Variants in ADCY8 observed in about 807,000 individuals in gnomAD.
The protein encoded by ADCY8 is adenylate cyclase type 8.
In ADCY8, 51 loss-of-function variants were observed where a neutral mutation model predicts 119.7. The ratio of observed to expected loss-of-function variants is 0.43; its 90% confidence interval spans 0.34 to 0.54. The LOEUF is 0.54. Ranked by LOEUF, ADCY8 falls within the 20% of genes least tolerant of loss-of-function variation. The probability of loss-of-function intolerance (pLI) is 0.03; values close to 1 mark genes in which losing one functional copy is unlikely to be tolerated. For synonymous variants in ADCY8, 665 were observed against 651.0 expected (o/e 1.02, Z -0.33); for missense variants, 1,383 against 1,598.8 (o/e 0.87, Z 2.30).
chr8:130,814,280 G>T, intron 13 of ADCY8, 53 bp from the exon 14 acceptor site: 1 of 1,591,690 alleles, frequency 6.3e-7, no homozygotes, highest in Non-Finnish European at 8.6e-7. Flanking sequence ...TGAGGTGTAG[G>T]CTTCAGGCAC....
chr8:130,814,304 G>T, intron 13 of ADCY8, 77 bp from the exon 14 acceptor site: 1 of 1,474,994 alleles, frequency 6.8e-7, no homozygotes, highest in Non-Finnish European at 9.3e-7. Flanking sequence ...CAACTGGGAG[G>T]CAGGAAAGGC....
chr8:130,876,461 A>C (rs796481597), intron 8 of ADCY8, among the ~76,000 whole-genome samples: 21 of 151,368 alleles, frequency 1.4e-4, no homozygotes, highest in African/African-American at 5.1e-4. Context: ...TGGGATACAC[A>C]GTTCAACGGT....
chr8:131,014,215 C>A (rs1285248406), intron 1 of ADCY8, among the ~76,000 whole-genome samples: 1 of 152,172 alleles, frequency 6.6e-6, no homozygotes, highest in African/African-American at 2.4e-5. Context: ...AATCTATTAA[C>A]AAGCATTTAG....
chr8:130,893,127 G>A (rs569462158), intron 7 of ADCY8, among the ~76,000 whole-genome samples: 12 of 152,200 alleles, frequency 7.9e-5, no homozygotes, highest in African/African-American at 2.2e-4. Flanking sequence ...CAGAATTGGC[G>A]GAAACAGAAC....
At chr8:130,867,777 G>T in intron 9 of ADCY8, 69 bp downstream of exon 9, 1 of 1,130,582 alleles carries the variant, frequency 8.8e-7, no homozygotes, top group Non-Finnish European at 1.3e-6. Flanking sequence ...TGAAAAGTCA[G>T]CTGGCTGACT....
chr8:130,804,817 G>A (rs1164153707), intron 14 of ADCY8, among the ~76,000 whole-genome samples: 13 of 152,156 alleles, frequency 8.5e-5, no homozygotes, highest in Admixed American at 2.6e-4. Flanking sequence ...CAGGATCTAT[G>A]CTCACTGCAA....
At chr8:130,903,666 T>C (rs557020385) in intron 7 of ADCY8, 106 bp downstream of exon 7, 5 of 1,299,148 alleles carry the variant, frequency 3.8e-6, no homozygotes, top group Middle Eastern at 2.8e-4. Flanking sequence ...ATGGTGTTCA[T>C]TGGAGAAAAG....
chr8:130,969,204 A>G (rs911598342), intron 2 of ADCY8, among the ~76,000 whole-genome samples: 2 of 152,262 alleles, frequency 1.3e-5, no homozygotes, highest in Non-Finnish European at 1.5e-5. Context: ...TGGGTGGTCC[A>G]ATCAGTTTTA....
At chr8:130,864,578 G>A (rs1488821309) in intron 9 of ADCY8, among the ~76,000 whole-genome samples, 1 of 152,098 alleles carries the variant, frequency 6.6e-6, no homozygotes, top group African/African-American at 2.4e-5. Flanking sequence ...ATTTCAGTTA[G>A]GGAAGTTTCT....
chr8:130,959,323 G>A (rs572549265), intron 2 of ADCY8, among the ~76,000 whole-genome samples: 170 of 152,166 alleles, frequency 1.1e-3, no homozygotes, highest in Non-Finnish European at 1.7e-3. Flanking sequence ...GGTTTTCTCG[G>A]TTACAGGAAA....
chr8:130,893,796 G>GT (rs2130492759), intron 7 of ADCY8, among the ~76,000 whole-genome samples: 1 of 150,184 alleles, frequency 6.7e-6, no homozygotes, highest in Non-Finnish European at 1.5e-5. Flanking sequence ...GTGCATGTTT[G>GT]TGTGTGTGCA....
intron 15 of ADCY8, among the ~76,000 whole-genome samples, chr8:130,796,421 G>T (rs1356351779): frequency 6.6e-6 from 1 of 152,154 alleles, no homozygotes; most frequent in African/African-American, 2.4e-5. Context: ...TGCAAACACA[G>T]TCTTGGAGAT....
chr8:130,840,142 G>T lies in ADCY8; in HGVS notation c.2503-3693C>A. On this transcript the variant is annotated intron_variant, in intron 11 of 17. Coordinates refer to ENST00000286355, the MANE Select transcript of ADCY8 (RefSeq NM_001115.3). ...AAAAAACTTAAAGTATGAGGAAAAG[G>T]CAGTGAGTTCTTTTTTTAGGCCTAT... Among the ~76,000 whole-genome samples, 2 of 139,240 alleles carry T rather than the reference G, an allele frequency of 1.4e-5. 1 individual carries two copies. Among genetic ancestry groups the T allele is most frequent in the East Asian group, 4.5e-4 (2 of 4,448 alleles). The allele number at this position is 139,240 out of a possible 152,430, so 91.3% of individuals were successfully genotyped here.
intron 4 of ADCY8, among the ~76,000 whole-genome samples, chr8:130,938,592 T>C (rs1378898030): frequency 2.0e-5 from 3 of 152,164 alleles, no homozygotes; most frequent in Non-Finnish European, 2.9e-5. Flanking sequence ...GATGCCCTTG[T>C]AGTAGCAAGC....
chr8:131,001,523 C>A (rs943675011), intron 1 of ADCY8, among the ~76,000 whole-genome samples: 1 of 149,698 alleles, frequency 6.7e-6, no homozygotes, highest in African/African-American at 2.4e-5. Flanking sequence ...ACTATATATA[C>A]GTGTGTGTAT....
At chr8:130,982,625 T>C (rs1174583983) in intron 2 of ADCY8, among the ~76,000 whole-genome samples, 1 of 152,152 alleles carries the variant, frequency 6.6e-6, no homozygotes, top group Non-Finnish European at 1.5e-5. Context: ...GAAATAGAAA[T>C]GGGACAAGCA....
intron 2 of ADCY8, among the ~76,000 whole-genome samples, chr8:130,977,886 G>C (rs1167810756): frequency 1.3e-5 from 2 of 152,126 alleles, no homozygotes; most frequent in Admixed American, 1.3e-4. Flanking sequence ...GGATCACATG[G>C]GGCTGACTCT....
intron 2 of ADCY8, among the ~76,000 whole-genome samples, chr8:130,962,982 G>C (rs1229674537): frequency 1.3e-5 from 2 of 152,150 alleles, no homozygotes; most frequent in African/African-American, 2.4e-5. Context: ...TCGTAAGAGG[G>C]AATATGATGC....
At chr8:130,968,466 C>G (rs945233695) in intron 2 of ADCY8, among the ~76,000 whole-genome samples, 2 of 152,146 alleles carry the variant, frequency 1.3e-5, no homozygotes, top group African/African-American at 2.4e-5. Flanking sequence ...CCACCGCACC[C>G]GGCCAGTTAT....
Sources: gnomAD v4.1 joint callset for allele counts (sites outside exome capture counted in the v4.1 genomes callset) on GRCh38, gnomAD v4.1.1 for gene constraint, MANE v1.5 for transcripts, NCBI Gene and HGNC (gene_info 2026-07-23, HGNC 2026-07-21) for gene names.